The following ATXN7L1 variants were observed in gnomAD, a reference collection of about 807,000 sequenced individuals.
The protein encoded by ATXN7L1 is ataxin 7 like 1, also known as ataxin-7-like protein 1.
Under a neutral mutation model 70.8 loss-of-function variants are expected in ATXN7L1, and 15 were observed. The ratio of observed to expected loss-of-function variants is 0.21; its 90% CI spans 0.14 to 0.33. The LOEUF (loss-of-function observed/expected upper bound fraction) is 0.33, where lower values mean the gene tolerates loss of function less well. ATXN7L1 is among the 10% of genes least tolerant of loss of function. ATXN7L1 has a pLI of 1.00. For missense variants in ATXN7L1, 975 were observed against 1,097.1 expected, an observed-to-expected ratio of 0.89 and a Z score of 1.57; for synonymous variants, 440 against 445.1, an observed-to-expected ratio of 0.99 and a Z score of 0.14.
In ATXN7L1 at chr7:105,717,761, A is replaced by C. The variant is rs896902581; in HGVS notation, c.356-52473T>G. ...CACTTGTCATTTTCATAAGTGAAAAATACTATCTGATTGTTGTAACTTTTG... is the reference window on the plus strand; with the variant it reads ...CACTTGTCATTTTCATAAGTGAAAACTACTATCTGATTGTTGTAACTTTTG... On this transcript the variant is annotated intron_variant, in intron 3 of 11. Transcript: ENST00000419735. 3.9e-5 allele frequency among the ~76,000 whole-genome samples: 6 copies of C among 152,312 alleles called. No individual in the cohort carries two copies. The East Asian group carries it at 9.6e-4, about 24-fold the overall frequency.
chr7:105,821,959 G>A (rs2116567239), intron 2 of ATXN7L1, among the ~76,000 whole-genome samples: 1 of 152,348 alleles, frequency 6.6e-6, no homozygotes, highest in African/African-American at 2.4e-5. Flanking sequence ...TACTCCAAGT[G>A]TGTAAGCCCC....
At chr7:105,655,948 A>G (rs759395242) in intron 4 of ATXN7L1, among the ~76,000 whole-genome samples, 15 of 152,222 alleles carry the variant, frequency 9.9e-5, no homozygotes, top group East Asian at 3.8e-4. Context: ...TTCCTCCTGG[A>G]GCAGCGGGCT....
chr7:105,676,657 T>A (rs749863916), intron 3 of ATXN7L1, among the ~76,000 whole-genome samples: 10 of 152,024 alleles, frequency 6.6e-5, no homozygotes, highest in Non-Finnish European at 1.2e-4. Flanking sequence ...CTGGCCCACA[T>A]GGGAAAACTC....
intron 3 of ATXN7L1, among the ~76,000 whole-genome samples, chr7:105,729,830 C>CG (rs1438185914): frequency 6.6e-6 from 1 of 151,720 alleles, no homozygotes; most frequent in Non-Finnish European, 1.5e-5. Context: ...CTCTGCCTCC[C>CG]GGGTTCACGC....
At chr7:105,626,502 T>C (rs569036979) in intron 7 of ATXN7L1, among the ~76,000 whole-genome samples, 6 of 152,326 alleles carry the variant, frequency 3.9e-5, no homozygotes, top group East Asian at 3.9e-4. Flanking sequence ...TATTTTACTA[T>C]AAAAACAAAA....
chr7:105,863,267 C>G (rs1311753726), intron 2 of ATXN7L1, among the ~76,000 whole-genome samples: 2 of 152,230 alleles, frequency 1.3e-5, no homozygotes, highest in African/African-American at 2.4e-5. Context: ...TCCCTGAGGC[C>G]AGGACTCTGG....
At chr7:105,623,178 A>G (rs950073952) in intron 8 of ATXN7L1, among the ~76,000 whole-genome samples, 1 of 152,212 alleles carries the variant, frequency 6.6e-6, no homozygotes, top group African/African-American at 2.4e-5. Flanking sequence ...GCCTTCGTTC[A>G]TGACATGGAT....
At chr7:105,693,576 CATCCATCT>C (rs1385274440) in intron 3 of ATXN7L1, among the ~76,000 whole-genome samples, 1 of 97,470 alleles carries the variant, frequency 1.0e-5, no homozygotes, top group African/African-American at 3.6e-5. Flanking sequence ...TCCATCCATC[CATCCATCT>C]AATTTGAAGA....
At chr7:105,685,072 A>ATAATAG in intron 3 of ATXN7L1, among the ~76,000 whole-genome samples, 2 of 149,654 alleles carry the variant, frequency 1.3e-5, no homozygotes, top group African/African-American at 4.9e-5. Context: ...AATAATAATA[A>ATAATAG]TAATAATAAT....
intron 4 of ATXN7L1, among the ~76,000 whole-genome samples, chr7:105,651,160 G>A (rs776281782): frequency 1.5e-4 from 23 of 152,174 alleles, no homozygotes; most frequent in Non-Finnish European, 3.2e-4. Context: ...CTGCCTTGGT[G>A]GGGTGGTCTC....
rs141878192 is a variant in ATXN7L1 at position 105,838,347 on chromosome 7, G to A, written c.250+37465C>T. Reference sequence around the variant, plus strand: ...ACTTTTCACAGCTATTTGCATAAGCGTTGTTAGGAAAATACCTATACCAGG... The same window carrying A: ...ACTTTTCACAGCTATTTGCATAAGCATTGTTAGGAAAATACCTATACCAGG... On this transcript the variant is annotated intron_variant, in intron 2 of 11. Transcript: ENST00000419735. Among the ~76,000 whole-genome samples the A allele has an allele frequency of 5.9e-5, 9 of 152,326 alleles. No individual in the cohort carries two copies. In the East Asian group the frequency reaches 1.4e-3, roughly 23 times the overall value.
chr7:105,860,144 TATAC>T (rs55652725), intron 2 of ATXN7L1, among the ~76,000 whole-genome samples: 3,964 of 55,538 alleles, frequency 0.071, 211 homozygotes, highest in Non-Finnish European at 0.12. Context: ...TATATATATA[TATAC>T]ATATATATAT....
intron 3 of ATXN7L1, among the ~76,000 whole-genome samples, chr7:105,692,379 TTCC>T (rs1791018955): frequency 2.3e-5 from 2 of 88,186 alleles, no homozygotes; most frequent in African/African-American, 9.8e-5. Flanking sequence ...CTTTCCTTCC[TTCC>T]TTCCTTCCTT....
chr7:105,691,774 G>A (rs1031088492), intron 3 of ATXN7L1: 2 of 152,028 alleles, frequency 1.3e-5, no homozygotes, highest in Admixed American at 1.3e-4. Flanking sequence ...AACGTGATAC[G>A]GTATTCTGCA....
chr7:105,643,560 G>A (rs1263435444), intron 4 of ATXN7L1, among the ~76,000 whole-genome samples: 2 of 152,132 alleles, frequency 1.3e-5, no homozygotes, highest in South Asian at 2.1e-4. Context: ...CCCCCAGCCC[G>A]GCCCGGATCG....
intron 3 of ATXN7L1, among the ~76,000 whole-genome samples, chr7:105,735,325 T>C (rs1006295945): frequency 6.6e-6 from 1 of 152,350 alleles, no homozygotes; most frequent in African/African-American, 2.4e-5. Context: ...ATATTCCCCG[T>C]GATTTCAGGG....
chr7:105,688,694 C>T (rs548738007), intron 3 of ATXN7L1, among the ~76,000 whole-genome samples: 143 of 152,322 alleles, frequency 9.4e-4, no homozygotes, highest in South Asian at 2.3e-3. Context: ...ACCAAAAGCC[C>T]AAGAACCCAT....
At chr7:105,772,325 A>C (rs528711771) in intron 3 of ATXN7L1, among the ~76,000 whole-genome samples, 15 of 152,172 alleles carry the variant, frequency 9.9e-5, no homozygotes, top group Non-Finnish European at 1.8e-4. Flanking sequence ...CCGCCTGCCT[A>C]GGCCTCCCAA....
chr7:105,631,106 T>C (rs1399778360), intron 7 of ATXN7L1, among the ~76,000 whole-genome samples: 5 of 152,222 alleles, frequency 3.3e-5, no homozygotes. Context: ...CCTCCACCTC[T>C]GGACCTCATG....
Sources: allele counts gnomAD v4.1 joint callset (sites outside exome capture counted in the v4.1 genomes callset), GRCh38; gene constraint gnomAD v4.1.1; transcripts MANE v1.5; gene names NCBI Gene and HGNC (gene_info 2026-07-23, HGNC 2026-07-21).